Variants in C16orf96 observed in about 807,000 individuals in gnomAD.
C16orf96 encodes the protein chromosome 16 open reading frame 96, also known as uncharacterized protein C16orf96.
A neutral mutation model predicts 103.6 loss-of-function variants in C16orf96; 108 were observed. The ratio of observed to expected loss-of-function variants is 1.04; its 90% CI spans 0.89 to 1.22. The LOEUF (loss-of-function observed/expected upper bound fraction) is 1.22, where lower values mean the gene tolerates loss of function less well. Ranked by LOEUF, C16orf96 falls within the 50% of genes most tolerant of loss-of-function variation. C16orf96 has a pLI of 0.00. For synonymous variants in C16orf96, 566 were observed against 593.5 expected (o/e 0.95, Z 0.67); for missense variants, 1,586 against 1,464.2 (o/e 1.08, Z -1.36).
upstream of C16orf96, among the ~76,000 whole-genome samples, chr16:4,554,176 C>T (rs779401272): frequency 6.6e-6 from 1 of 152,156 alleles, no homozygotes; most frequent in Non-Finnish European, 1.5e-5. Flanking sequence ...TGGCAGCTGG[C>T]TCTTGGCCAT....
upstream of C16orf96, among the ~76,000 whole-genome samples, chr16:4,553,579 G>A (rs1034753886): frequency 1.3e-5 from 2 of 152,092 alleles, no homozygotes; most frequent in Non-Finnish European, 2.9e-5. Context: ...CTGGGCTCAA[G>A]CGATCTGCCT....
chr16:4,585,810 C>G (rs187728461), intron 7 of C16orf96, among the ~76,000 whole-genome samples: 1 of 152,070 alleles, frequency 6.6e-6, no homozygotes, highest in Admixed American at 6.6e-5. Flanking sequence ...GGATGGAGGC[C>G]GGGGTCATTA....
the C16orf96 span, among the ~76,000 whole-genome samples, chr16:4,547,680 C>G: frequency 0.03 from 1,256 of 42,486 alleles, 19 homozygotes; most frequent in Admixed American, 0.046. Flanking sequence ...TTGCTTCCTT[C>G]CTTCCTTCCT....
At chr16:4,581,735 A>G (rs1206088671) in intron 7 of C16orf96, among the ~76,000 whole-genome samples, 1 of 152,012 alleles carries the variant, frequency 6.6e-6, no homozygotes, top group African/African-American at 2.4e-5. Flanking sequence ...ATGAGGGAGG[A>G]TTGCTTGAGG....
chr16:4,590,777 G>C (rs1319420291), intron 9 of C16orf96, among the ~76,000 whole-genome samples: 1 of 151,306 alleles, frequency 6.6e-6, no homozygotes, highest in African/African-American at 2.4e-5. Context: ...CCAGCACTTT[G>C]GGAGGCTGAG....
chr16:4,568,538 C>G (rs573754119), intron 1 of C16orf96, among the ~76,000 whole-genome samples: 104 of 152,194 alleles, frequency 6.8e-4, no homozygotes, highest in African/African-American at 2.5e-3. Context: ...AGCCATCCTT[C>G]CACTGCAGCT....
rs551133499 is a variant in C16orf96, at chr16:4,573,514, A to G, written c.526-1195A>G. On this transcript the variant is annotated intron_variant, in intron 2 of 15. Coordinates refer to ENST00000444310, the MANE Select transcript of C16orf96 (RefSeq NM_001145011.2). ...ACGCCTGTAATCTCAGCATTTTGGG[A>G]GGCTGAGGTGGGCAGATCACAAGGT... Among the ~76,000 whole-genome samples the G allele has an allele frequency of 3.0e-3, 442 of 146,764 alleles. 3 individuals are homozygous for G. The highest frequency in any genetic ancestry group is 0.01 in the African/African-American group (418 of 39,954).
chr16:4,546,040 G>A, the C16orf96 span, among the ~76,000 whole-genome samples: 25 of 150,890 alleles, frequency 1.7e-4, 1 homozygote, highest in East Asian at 4.5e-3. Flanking sequence ...AGTAGAGATG[G>A]GGTTTCAGCA....
the C16orf96 span, among the ~76,000 whole-genome samples, chr16:4,549,238 G>T: frequency 6.6e-6 from 1 of 152,224 alleles, no homozygotes; most frequent in Non-Finnish European, 1.5e-5. Context: ...ACTTTGGGAG[G>T]CCAAGGTGGG....
intron 15 of C16orf96, among the ~76,000 whole-genome samples, chr16:4,599,818 T>C (rs1897247204): frequency 6.6e-6 from 1 of 152,228 alleles, no homozygotes; most frequent in Non-Finnish European, 1.5e-5. Context: ...GCTAGTGAGC[T>C]GGGAGCTGAG....
chr16:4,600,208 C>T lies in C16orf96; in HGVS notation c.3317C>T (p.Pro1106Leu), dbSNP rs1034253979. 1 of 1,551,670 alleles carries T rather than the reference C, an allele frequency of 6.4e-7. No individual in the cohort carries two copies. Among genetic ancestry groups the T allele is most frequent in the Admixed American group, 2.0e-5 (1 of 51,004 alleles). ...CTGCTGCTGCTGCCACCGCTGATTC[C>T]ATCCCTAAGGGACCCCCAGCAGGCC... ...PPLLLLPPLI[P>L]SLRDPQQAPG... The change falls in exon 16 of 16, where the codon CCA (proline) becomes CTA (leucine). Residue 1106 changes from proline to leucine, a missense_variant. Transcript: ENST00000444310.
intron 7 of C16orf96, among the ~76,000 whole-genome samples, chr16:4,583,898 C>T (rs12921915): frequency 0.16 from 21,123 of 130,214 alleles, 1,754 homozygotes; most frequent in Middle Eastern, 0.31. Flanking sequence ...GCACTCCAGC[C>T]TGGGCGAGAG....
chr16:4,551,064 G>A, the C16orf96 span, among the ~76,000 whole-genome samples: 1 of 152,344 alleles, frequency 6.6e-6, no homozygotes, highest in East Asian at 1.9e-4. Flanking sequence ...CTTGAGGCCA[G>A]GAGTTTGAGG....
intron 7 of C16orf96, among the ~76,000 whole-genome samples, chr16:4,584,835 ATT>A (rs1596532773): frequency 6.6e-6 from 1 of 151,648 alleles, no homozygotes. Flanking sequence ...TGCCCAGCCA[ATT>A]TTTTTGTATT....
rs1370293905 is a variant in C16orf96 at position 4,562,960 on chromosome 16, CT to C, written c.420+6054del. On this transcript the variant is annotated intron_variant, in intron 1 of 15. Transcript: ENST00000444310. ...TCTCCAATATCAATTAGCACTTTGC[CT>C]TTAAAATCTTGAACGCCAACGTACC... 15 of 1,359,606 alleles carry C rather than the reference CT, an allele frequency of 1.1e-5. No homozygotes were observed. The East Asian group carries it at 3.5e-4, about 32-fold the overall frequency. The allele number at this position is 1,359,606 out of a possible 1,614,324, so 84.2% of individuals were successfully genotyped here.
chr16:4,548,541 A>G, the C16orf96 span, among the ~76,000 whole-genome samples: 1 of 152,180 alleles, frequency 6.6e-6, no homozygotes, highest in Non-Finnish European at 1.5e-5. Context: ...GAGCCAGCCC[A>G]TGGGGCTCCC....
intron 14 of C16orf96, among the ~76,000 whole-genome samples, chr16:4,596,180 G>A (rs554673150): frequency 5.6e-4 from 85 of 152,106 alleles, no homozygotes; most frequent in African/African-American, 2.0e-3. Context: ...TTCATTCCCC[G>A]GCCCATGTAG....
chr16:4,572,203 A>G (rs1172646600), intron 2 of C16orf96, among the ~76,000 whole-genome samples: 1 of 152,082 alleles, frequency 6.6e-6, no homozygotes, highest in Non-Finnish European at 1.5e-5. Context: ...AAGTGACAGA[A>G]ATCACGTTCA....
At chr16:4,586,599 G>A (rs1896933548) in intron 7 of C16orf96, among the ~76,000 whole-genome samples, 1 of 152,204 alleles carries the variant, frequency 6.6e-6, no homozygotes, top group South Asian at 2.1e-4. Flanking sequence ...GTGGAGTTGT[G>A]GGGATAGGAC....
Sources: gnomAD v4.1 joint callset for allele counts (sites outside exome capture counted in the v4.1 genomes callset) on GRCh38, gnomAD v4.1.1 for gene constraint, MANE v1.5 for transcripts, NCBI Gene and HGNC (gene_info 2026-07-23, HGNC 2026-07-21) for gene names.